Variants in KDM4B observed in about 807,000 individuals in gnomAD.
KDM4B encodes lysine demethylase 4B.
KDM4B carries 32 observed loss-of-function variants against 125.2 expected under a neutral mutation model. The observed-to-expected ratio is 0.26, with a 90% CI of 0.19 to 0.34. The LOEUF is 0.34. Ranked by LOEUF, KDM4B falls within the 10% of genes least tolerant of loss-of-function variation. The probability of loss-of-function intolerance (pLI) is 1.00; values close to 1 mark genes in which losing one functional copy is unlikely to be tolerated. For missense variants in KDM4B, 1,190 were observed against 1,577.7 expected, an observed-to-expected ratio of 0.75 and a Z score of 4.16; for synonymous variants, 721 against 677.9, an observed-to-expected ratio of 1.06 and a Z score of -0.99.
At chr19:5,059,630 T>G (rs2037520927) in intron 6 of KDM4B, among the ~76,000 whole-genome samples, 1 of 152,186 alleles carries the variant, frequency 6.6e-6, no homozygotes, top group Non-Finnish European at 1.5e-5. Context: ...ACAGTTCAAC[T>G]CCCGTGCTCT....
intron 1 of KDM4B, among the ~76,000 whole-genome samples, chr19:5,009,480 C>T (rs766874011): frequency 2.3e-4 from 35 of 152,148 alleles, no homozygotes; most frequent in Non-Finnish European, 3.7e-4. Context: ...GGCTCTTTCA[C>T]GGCCTGACTC....
chr19:5,082,511 G>C lies in KDM4B; in HGVS notation c.918+7G>C. The C allele has an allele frequency of 6.3e-7, 1 of 1,588,726 alleles. No homozygotes were observed. The highest frequency in any genetic ancestry group is 8.6e-7 in the Non-Finnish European group (1 of 1,167,122). ...CGGCAAAGTGGCCACTCAGGTAAAA[G>C]CTTGCCTGCTGGGAACGGGTCCCAG... On this transcript the variant is annotated splice_region_variant and intron_variant, in intron 9 of 22. Transcript: ENST00000159111. The surrounding 1 kb of genome is among the most constrained non-coding windows in gnomAD (Gnocchi z 5.4).
At chr19:5,119,877 G>A (rs1216382870) in intron 11 of KDM4B, 25 bp downstream of exon 11, 3 of 1,543,006 alleles carry the variant, frequency 1.9e-6, no homozygotes, top group South Asian at 2.4e-5. Flanking sequence ...GGCCAGGCCT[G>A]GCACCGCTGT....
chr19:5,007,106 C>T lies in KDM4B; in HGVS notation c.-108-9151C>T, dbSNP rs376775193. ...GAAGGGCCTTGGGGGAGGGCCCTGT[C>T]CCCACCATCCCTCGTGAGCACCCCC... On this transcript the variant is annotated intron_variant, in intron 1 of 22. Transcript: ENST00000159111. Among the ~76,000 whole-genome samples, 43 of 152,322 alleles carry T rather than the reference C, an allele frequency of 2.8e-4. No homozygotes were observed. The South Asian group carries it at 8.1e-3, about 29-fold the overall frequency.
intron 1 of KDM4B, among the ~76,000 whole-genome samples, chr19:5,013,662 C>T (rs571364018): frequency 6.6e-6 from 1 of 152,346 alleles, no homozygotes; most frequent in East Asian, 1.9e-4. Context: ...CCTTGACTCT[C>T]ACCCTCTGGC....
At position 5,142,246 on chromosome 19, in the gene KDM4B, C is replaced by A. The variant is rs553508331; in HGVS notation, c.2551-1721C>A. 1.3e-5 allele frequency among the ~76,000 whole-genome samples: 2 copies of A among 152,250 alleles called. No homozygotes were observed. Among genetic ancestry groups the A allele is most frequent in the African/African-American group, 4.8e-5 (2 of 41,566 alleles). Reference sequence around the variant, plus strand: ...CCCCCACGGGCCGTAGACCCTGACTCCCCGGCACACACTGGCCTGGGCCAG... The same window carrying A: ...CCCCCACGGGCCGTAGACCCTGACTACCCGGCACACACTGGCCTGGGCCAG... On this transcript the variant is annotated intron_variant, in intron 18 of 22. Coordinates refer to ENST00000159111, the MANE Select transcript of KDM4B (RefSeq NM_015015.3). The surrounding 1 kb of genome is among the most constrained non-coding windows in gnomAD (Gnocchi z 5.4).
At chr19:5,122,454 G>T (rs1395631077) in intron 11 of KDM4B, among the ~76,000 whole-genome samples, 3 of 152,212 alleles carry the variant, frequency 2.0e-5, no homozygotes, top group African/African-American at 7.2e-5. Context: ...TCATTCCTCT[G>T]CCTGCCACAT....
chr19:5,003,413 G>A (rs1347340850), intron 1 of KDM4B, among the ~76,000 whole-genome samples: 1 of 152,096 alleles, frequency 6.6e-6, no homozygotes, highest in Non-Finnish European at 1.5e-5. Flanking sequence ...CCCAGGAGGC[G>A]GAGGTTGTGG....
chr19:5,083,503 C>A (rs2038370285), intron 9 of KDM4B, among the ~76,000 whole-genome samples: 1 of 152,188 alleles, frequency 6.6e-6, no homozygotes, highest in Non-Finnish European at 1.5e-5. Context: ...GAGCTGGGGG[C>A]TGGGGAGCCT....
intron 1 of KDM4B, among the ~76,000 whole-genome samples, chr19:4,988,422 C>A (rs937700349): frequency 2.6e-5 from 4 of 152,094 alleles, no homozygotes; most frequent in Non-Finnish European, 5.9e-5. Context: ...ACTACAGGTG[C>A]CCGCCACCAC....
At chr19:4,977,643 C>T (rs753841) in intron 1 of KDM4B, among the ~76,000 whole-genome samples, 2,117 of 152,284 alleles carry the variant, frequency 0.014, 66 homozygotes, top group African/African-American at 0.048. Context: ...GATTCAGAAT[C>T]GCTCTTTGTG....
chr19:5,113,723 G>A (rs1039660802), intron 10 of KDM4B, among the ~76,000 whole-genome samples: 1 of 152,146 alleles, frequency 6.6e-6, no homozygotes, highest in East Asian at 1.9e-4. Flanking sequence ...GCCCCAAGTC[G>A]TGACAACCAC....
chr19:5,013,618 C>T (rs946601949), intron 1 of KDM4B, among the ~76,000 whole-genome samples: 1 of 152,198 alleles, frequency 6.6e-6, no homozygotes, highest in Non-Finnish European at 1.5e-5. Flanking sequence ...GGCCCTTCCT[C>T]CCCCTTCACA....
intron 14 of KDM4B, among the ~76,000 whole-genome samples, chr19:5,134,496 A>G (rs2039613771): frequency 6.6e-6 from 1 of 152,096 alleles, no homozygotes; most frequent in East Asian, 1.9e-4. Context: ...TGCTCTTTCC[A>G]TGCTGGCCTC....
intron 4 of KDM4B, 146 bp downstream of exon 4, chr19:5,040,157 C>A: frequency 1.1e-6 from 1 of 912,374 alleles, no homozygotes; most frequent in Non-Finnish European, 1.6e-6. Context: ...GCTGTGGCGA[C>A]CCCTGCTCCC....
chr19:4,996,231 C>G (rs779814733), intron 1 of KDM4B, among the ~76,000 whole-genome samples: 4 of 152,192 alleles, frequency 2.6e-5, no homozygotes, highest in Non-Finnish European at 5.9e-5. Flanking sequence ...CTCAGGTGAT[C>G]AGCCTACCTC....
intron 9 of KDM4B, among the ~76,000 whole-genome samples, chr19:5,088,500 G>T (rs2620796): frequency 2.9e-4 from 44 of 152,300 alleles, no homozygotes; most frequent in African/African-American, 1.0e-3. Flanking sequence ...AGGTCGATGG[G>T]GGGGAGGTTG....
At chr19:5,095,162 C>A (rs947568225) in intron 9 of KDM4B, among the ~76,000 whole-genome samples, 1 of 152,174 alleles carries the variant, frequency 6.6e-6, no homozygotes, top group Non-Finnish European at 1.5e-5. Context: ...TGTCTGTCAC[C>A]GTCGGCTGTA....
chr19:5,023,294 G>A (rs1265167426), intron 2 of KDM4B, among the ~76,000 whole-genome samples: 1 of 152,238 alleles, frequency 6.6e-6, no homozygotes, highest in Non-Finnish European at 1.5e-5. Context: ...CTGCCTGAGG[G>A]CCCTTTATGT....
Sources: gnomAD v4.1 joint callset for allele counts (sites outside exome capture counted in the v4.1 genomes callset) on GRCh38, gnomAD v4.1.1 for gene constraint, Gnocchi (gnomAD v3.1) non-coding constraint, MANE v1.5 for transcripts, NCBI Gene and HGNC (gene_info 2026-07-23, HGNC 2026-07-21) for gene names.